The following SPAG6 variants were observed in gnomAD, a reference collection of about 807,000 sequenced individuals.
The protein encoded by SPAG6 is sperm associated antigen 6, also known as sperm-associated antigen 6.
Under a neutral mutation model 58.5 loss-of-function variants are expected in SPAG6, and 49 were observed. The ratio of observed to expected loss-of-function variants is 0.84; its 90% CI spans 0.67 to 1.06. SPAG6 has a LOEUF of 1.06. Ranked by LOEUF, SPAG6 falls within the 50% of genes least tolerant of loss-of-function variation. The pLI, the probability that SPAG6 is intolerant of heterozygous loss-of-function variation, is 0.00. For missense variants in SPAG6, 560 were observed against 611.3 expected, an observed-to-expected ratio of 0.92 and a Z score of 0.89; for synonymous variants, 233 against 225.6, an observed-to-expected ratio of 1.03 and a Z score of -0.29.
chr10:22,354,827 T>C (rs549902500), intron 2 of SPAG6, among the ~76,000 whole-genome samples: 6 of 152,074 alleles, frequency 3.9e-5, no homozygotes, highest in Non-Finnish European at 8.8e-5. Flanking sequence ...CTGGCCAACA[T>C]GGTAAACCCC....
In SPAG6 at chr10:22,391,793, C is replaced by T; in HGVS notation, c.1070C>T (p.Ala357Val). The stretch of plus-strand genomic sequence containing the variant: ...GAAGATCATATTAAGGCTGCAGCTG[C>T]TTGGGCCTTAGGACAGATTGGAAGA... ...EPEDHIKAAA[A>V]WALGQIGRHT... The change falls in exon 8 of 11, where the codon GCT becomes GTT. Residue 357 changes from alanine to valine, a missense_variant. Ala to Val is a moderately conservative substitution (Grantham distance 64). Coordinates refer to ENST00000376624, the MANE Select transcript of SPAG6 (RefSeq NM_012443.4). The T allele has an allele frequency of 1.2e-6, 2 of 1,613,586 alleles. No homozygotes were observed. The highest frequency in any genetic ancestry group is 1.7e-6 in the Non-Finnish European group (2 of 1,179,744).
At chr10:22,405,036 G>T (rs368927045) in intron 9 of SPAG6, among the ~76,000 whole-genome samples, 1 of 152,162 alleles carries the variant, frequency 6.6e-6, no homozygotes, top group Non-Finnish European at 1.5e-5. Context: ...GAGATTTTGG[G>T]CTGAGACAAT....
rs563936894 is a variant in SPAG6, at chr10:22,354,035, A to AGTCT, written c.121+8218_121+8221dup. On this transcript the variant is annotated intron_variant, in intron 2 of 10. Coordinates refer to ENST00000376624, the MANE Select transcript of SPAG6 (RefSeq NM_012443.4). ...GTCAGTCATGGTTGGAGAAGAAACA[A>AGTCT]GTCTAATTATGAAGGGCCTCGTATG... is the stretch of plus-strand genomic sequence containing the variant. Among the ~76,000 whole-genome samples the AGTCT allele has an allele frequency of 2.0e-5, 3 of 152,324 alleles. No individual in the cohort carries two copies. In the South Asian group the frequency reaches 6.2e-4, roughly 32 times the overall value.
At chr10:22,367,905 T>C (rs1837242500) in intron 3 of SPAG6, among the ~76,000 whole-genome samples, 1 of 152,236 alleles carries the variant, frequency 6.6e-6, no homozygotes, top group Admixed American at 6.5e-5. Context: ...GTTTGGCTGA[T>C]TTATTTGCCA....
rs11012981 is a variant in SPAG6 at position 22,393,511 on chromosome 10, C to G, written c.1197+1591C>G. Among the ~76,000 whole-genome samples, 46 of 152,218 alleles carry G rather than the reference C, an allele frequency of 3.0e-4. No individual in the cohort carries two copies. In the East Asian group the frequency reaches 7.9e-3, roughly 26 times the overall value. ...CACTGGAGAAAAATAAATTTGAAAA[C>G]TTCACTTTTTGAAGTAAGATAAATT... On this transcript the variant is annotated intron_variant, in intron 8 of 10. Coordinates refer to ENST00000376624, the MANE Select transcript of SPAG6 (RefSeq NM_012443.4).
At chr10:22,348,355 TA>T (rs1188440783) in intron 2 of SPAG6, among the ~76,000 whole-genome samples, 11 of 152,256 alleles carry the variant, frequency 7.2e-5, no homozygotes, top group African/African-American at 2.4e-4. Context: ...AAAAGGGCTT[TA>T]GAATGAGCCT....
Position 22,411,109 on chromosome 10 carries a change from GA to G in SPAG6, c.1395del (p.Glu465AspfsTer21), listed in dbSNP as rs1834721518. ...GLKKVQEIKA[E>X]PGSLLQEYIN... ...TAAAAAAGTTCAAGAGATAAAAGCA[GA>G]ACCTGGTTCTCTCCTTCAAGAATAC... On this transcript the variant is annotated frameshift_variant, in exon 10 of 11. Transcript: ENST00000376624. LOFTEE classifies it high-confidence loss of function. 6.2e-7 allele frequency: 1 copy of G among 1,614,012 alleles called. No individual in the cohort carries two copies. Among genetic ancestry groups the G allele is most frequent in the African/African-American group, 1.3e-5 (1 of 75,060 alleles).
At chr10:22,409,329 AAT>A (rs1406031442) in intron 9 of SPAG6, among the ~76,000 whole-genome samples, 1 of 152,236 alleles carries the variant, frequency 6.6e-6, no homozygotes, top group South Asian at 2.1e-4. Flanking sequence ...ATTTTTTACA[AAT>A]ATATACTAGT....
At chr10:22,349,276 C>T (rs558449604) in intron 2 of SPAG6, among the ~76,000 whole-genome samples, 1 of 151,734 alleles carries the variant, frequency 6.6e-6, no homozygotes, top group African/African-American at 2.4e-5. Flanking sequence ...CTCATATGAA[C>T]AATTAAAAAG....
rs762143986 is a variant in SPAG6, at chr10:22,346,012, C to A, written c.121+194C>A. The stretch of plus-strand genomic sequence containing the variant: ...AGCTTCCAGATGGTTGTGGGAGGTG[C>A]GCGTTGTCCCTGTTTCCATCTTCAT... On this transcript the variant is annotated intron_variant, in intron 2 of 10. Coordinates refer to ENST00000376624, the MANE Select transcript of SPAG6 (RefSeq NM_012443.4). 18 of 1,546,000 alleles carry A rather than the reference C, an allele frequency of 1.2e-5. 1 individual carries two copies. In the South Asian group the frequency reaches 2.0e-4, roughly 18 times the overall value.
intron 4 of SPAG6, among the ~76,000 whole-genome samples, chr10:22,373,686 C>T (rs953743890): frequency 3.3e-5 from 5 of 152,234 alleles, no homozygotes; most frequent in Non-Finnish European, 1.5e-5. Context: ...CTATAGATTT[C>T]GGTTGGTTCC....
At chr10:22,357,708 A>G (rs1836906597) in intron 2 of SPAG6, among the ~76,000 whole-genome samples, 1 of 147,492 alleles carries the variant, frequency 6.8e-6, no homozygotes, top group South Asian at 2.3e-4. Flanking sequence ...AGCATTAGGT[A>G]TATCTCCTAA....
chr10:22,388,766 A>C (rs935855730), intron 6 of SPAG6, among the ~76,000 whole-genome samples: 1 of 152,198 alleles, frequency 6.6e-6, no homozygotes, highest in Non-Finnish European at 1.5e-5. Context: ...ATTAGGTTAG[A>C]ATATTTCAAG....
intron 2 of SPAG6, among the ~76,000 whole-genome samples, chr10:22,352,078 G>A (rs1290861698): frequency 1.3e-5 from 2 of 151,982 alleles, no homozygotes; most frequent in Admixed American, 1.3e-4. Context: ...GGAGAATGGC[G>A]TGAATTTCGG....
In SPAG6 at chr10:22,392,961, C is replaced by T. The variant is rs552652183; in HGVS notation, c.1197+1041C>T. ...TCAGTTTTTATAAGGCTTTCTAGAC[C>T]AACAATTATTTAATAGATTTAGAAC... On this transcript the variant is annotated intron_variant, in intron 8 of 10. Transcript: ENST00000376624. 2.4e-4 allele frequency among the ~76,000 whole-genome samples: 37 copies of T among 151,866 alleles called. No individual in the cohort carries two copies. In the South Asian group the frequency reaches 6.9e-3, roughly 28 times the overall value.
chr10:22,350,776 C>T (rs1407628933), intron 2 of SPAG6, among the ~76,000 whole-genome samples: 1 of 152,024 alleles, frequency 6.6e-6, no homozygotes, highest in Non-Finnish European at 1.5e-5. Flanking sequence ...TTTTTGTTTT[C>T]CCCACTAAAC....
chr10:22,345,561 C>G lies in SPAG6; in HGVS notation c.-51C>G. 1.4e-6 allele frequency: 2 copies of G among 1,478,968 alleles called. No individual in the cohort carries two copies. Among genetic ancestry groups the G allele is most frequent in the South Asian group, 2.5e-5 (2 of 80,330 alleles). The allele number at this position is 1,478,968 out of a possible 1,614,324, so 91.6% of individuals were successfully genotyped here. On this transcript the variant is annotated 5_prime_UTR_variant, in exon 1 of 11. Coordinates refer to ENST00000376624, the MANE Select transcript of SPAG6 (RefSeq NM_012443.4). The surrounding 1 kb of genome is among the most constrained non-coding windows in gnomAD (Gnocchi z 6.3). ...TCGCCCCCTTGGTGGACTCGCAGGC[C>G]GAGCGGCTTCCCCGCAGAGCTCGAG...
At chr10:22,386,984 T>C (rs759887034) in intron 5 of SPAG6, 25 bp downstream of exon 5, 4 of 1,545,516 alleles carry the variant, frequency 2.6e-6, no homozygotes, top group Non-Finnish European at 2.7e-6. Flanking sequence ...GGTTGAAAAA[T>C]ACATCAGCCT....
chr10:22,346,496 CT>C lies in SPAG6; in HGVS notation c.121+681del, dbSNP rs71510923. On this transcript the variant is annotated intron_variant, in intron 2 of 10. Transcript: ENST00000376624. ...TCTTCTTCTTCTTCTTCTTCTTCTT[CT>C]TTCTTCTTCTTCTTCCTCTTCTTCT... Among the ~76,000 whole-genome samples, 376 of 75,608 alleles carry C rather than the reference CT, an allele frequency of 5.0e-3. 1 individual carries two copies. Among genetic ancestry groups the C allele is most frequent in the African/African-American group, 0.017 (295 of 17,788 alleles). 49.6% of individuals were successfully genotyped at this position (75,608 alleles called of 152,430 possible). A position where few individuals can be genotyped will look rare whatever the true frequency, so the allele number is the denominator to read the frequency against.
Sources: allele counts gnomAD v4.1 joint callset (sites outside exome capture counted in the v4.1 genomes callset), GRCh38; gene constraint gnomAD v4.1.1; non-coding constraint Gnocchi (gnomAD v3.1); transcripts MANE v1.5; gene names NCBI Gene and HGNC (gene_info 2026-07-23, HGNC 2026-07-21).